Variants in PDGFC observed in about 807,000 individuals in gnomAD.
PDGFC encodes the protein platelet-derived growth factor C.
PDGFC carries 12 observed loss-of-function variants against 35.5 expected under a neutral mutation model. The ratio of observed to expected loss-of-function variants is 0.34; its 90% CI spans 0.22 to 0.55. The LOEUF is 0.55. PDGFC is among the 20% of genes least tolerant of loss of function. PDGFC has a pLI of 0.91. For missense variants in PDGFC, 322 were observed against 412.4 expected, an observed-to-expected ratio of 0.78 and a Z score of 1.90; for synonymous variants, 159 against 148.8, an observed-to-expected ratio of 1.07 and a Z score of -0.50.
chr4:156,901,277 A>G (rs188643703), intron 1 of PDGFC, among the ~76,000 whole-genome samples: 14 of 152,302 alleles, frequency 9.2e-5, no homozygotes, highest in Non-Finnish European at 1.8e-4. Flanking sequence ...ATGCTCCTAG[A>G]GATACTGAGG....
chr4:156,794,477 G>A (rs1579013000), intron 3 of PDGFC, among the ~76,000 whole-genome samples: 1 of 151,734 alleles, frequency 6.6e-6, no homozygotes. Flanking sequence ...AAGCATTTAA[G>A]AAGAGAAAGA....
chr4:156,775,795 T>C (rs1164358858), intron 3 of PDGFC, among the ~76,000 whole-genome samples: 1 of 152,188 alleles, frequency 6.6e-6, no homozygotes, highest in African/African-American at 2.4e-5. Context: ...TATAGATCAG[T>C]TGGTGTTACA....
intron 3 of PDGFC, among the ~76,000 whole-genome samples, chr4:156,787,588 G>C (rs968834604): frequency 2.0e-5 from 3 of 152,120 alleles, no homozygotes; most frequent in African/African-American, 7.2e-5. Context: ...TTCCTTTAAA[G>C]ATGGGAGAAG....
intron 1 of PDGFC, among the ~76,000 whole-genome samples, chr4:156,880,044 T>C (rs956243439): frequency 6.6e-6 from 1 of 152,042 alleles, no homozygotes; most frequent in African/African-American, 2.4e-5. Context: ...GCTGTCTCCA[T>C]AACAAAAAAG....
intron 1 of PDGFC, among the ~76,000 whole-genome samples, chr4:156,926,715 AGGGTACAGCCTCCCTCCT>A (rs1731423401): frequency 6.6e-6 from 1 of 152,188 alleles, no homozygotes; most frequent in Admixed American, 6.5e-5. Context: ...TGTGTTTTAC[AGGGTACAGCCTCCCTCCT>A]GGCTGACTTT....
chr4:156,844,920 CA>C (rs746958292), intron 2 of PDGFC, among the ~76,000 whole-genome samples: 1 of 151,786 alleles, frequency 6.6e-6, no homozygotes. Context: ...AGATGCTGTG[CA>C]CAACTGCAAA....
intron 1 of PDGFC, among the ~76,000 whole-genome samples, chr4:156,965,291 TC>T (rs1732438919): frequency 1.3e-5 from 2 of 152,128 alleles, no homozygotes; most frequent in Admixed American, 1.3e-4. Flanking sequence ...CAACAGATAC[TC>T]ATCGGGCACA....
chr4:156,930,030 G>A (rs992794366), intron 1 of PDGFC, among the ~76,000 whole-genome samples: 6 of 152,166 alleles, frequency 3.9e-5, no homozygotes, highest in Non-Finnish European at 7.3e-5. Context: ...AAATGAACTG[G>A]TTGACTAACT....
chr4:156,906,401 T>C (rs908922777), intron 1 of PDGFC, among the ~76,000 whole-genome samples: 3 of 152,166 alleles, frequency 2.0e-5, no homozygotes, highest in African/African-American at 7.2e-5. Context: ...GCTTATTCTT[T>C]TATGTAGTGT....
At chr4:156,878,804 T>C (rs1312549181) in intron 1 of PDGFC, among the ~76,000 whole-genome samples, 2 of 152,170 alleles carry the variant, frequency 1.3e-5, no homozygotes, top group Admixed American at 6.5e-5. Flanking sequence ...ATATAGTCTA[T>C]AAGCTCCATT....
intron 3 of PDGFC, among the ~76,000 whole-genome samples, chr4:156,790,940 TC>T (rs1731283493): frequency 6.6e-6 from 1 of 152,184 alleles, no homozygotes; most frequent in Non-Finnish European, 1.5e-5. Flanking sequence ...GCATTTTACA[TC>T]CTACATTGGC....
At chr4:156,915,764 G>C (rs139391837) in intron 1 of PDGFC, among the ~76,000 whole-genome samples, 18 of 152,210 alleles carry the variant, frequency 1.2e-4, no homozygotes, top group African/African-American at 3.6e-4. Flanking sequence ...CTGGGCAACA[G>C]AGTGAGACTC....
At chr4:156,951,670 C>T (rs999476035) in intron 1 of PDGFC, among the ~76,000 whole-genome samples, 1 of 148,820 alleles carries the variant, frequency 6.7e-6, no homozygotes, top group African/African-American at 2.5e-5. Flanking sequence ...CTATTCTGGA[C>T]AGAGAAAGGT....
intron 1 of PDGFC, among the ~76,000 whole-genome samples, chr4:156,920,778 T>G (rs1560873660): frequency 6.6e-6 from 1 of 152,058 alleles, no homozygotes; most frequent in Non-Finnish European, 1.5e-5. Flanking sequence ...AAACTATAAT[T>G]GCCAACCTTT....
chr4:156,822,088 T>G (rs2110980687), intron 2 of PDGFC, among the ~76,000 whole-genome samples: 1 of 151,940 alleles, frequency 6.6e-6, no homozygotes, highest in African/African-American at 2.4e-5. Context: ...ATAGTGAAAT[T>G]TAAAAAGTGG....
intron 2 of PDGFC, among the ~76,000 whole-genome samples, chr4:156,814,072 C>T (rs1732014683): frequency 6.6e-6 from 1 of 152,070 alleles, no homozygotes; most frequent in Non-Finnish European, 1.5e-5. Context: ...AAAAATGCTT[C>T]ACATGAGGCA....
chr4:156,836,299 A>T (rs1228418621), intron 2 of PDGFC, among the ~76,000 whole-genome samples: 1 of 152,190 alleles, frequency 6.6e-6, no homozygotes, highest in Non-Finnish European at 1.5e-5. Flanking sequence ...TCGGTAGGCA[A>T]CTCACAACTA....
At position 156,760,771 on chromosome 4, in the gene PDGFC, A is replaced by T. The variant is rs1384310304; in HGVS notation, c.*2319T>A. 6.6e-6 allele frequency: 1 copy of T among 152,224 alleles called. No individual in the cohort carries two copies. 9.4% of individuals were successfully genotyped at this position (152,224 alleles called of 1,614,324 possible). A position where few individuals can be genotyped will look rare whatever the true frequency, so the allele number is the denominator to read the frequency against. On this transcript the variant is annotated 3_prime_UTR_variant, in exon 6 of 6. Coordinates refer to ENST00000502773, the MANE Select transcript of PDGFC (RefSeq NM_016205.3). ...CTCTTCTGGCTGTCAAGATTTTATA[A>T]GTAAACAAAAAATAAATATTAAAAA...
At chr4:156,841,137 G>C (rs1729193032) in intron 2 of PDGFC, among the ~76,000 whole-genome samples, 1 of 151,218 alleles carries the variant, frequency 6.6e-6, no homozygotes, top group African/African-American at 2.4e-5. Context: ...GAGGACATGA[G>C]ATTTGGGAGG....
Sources: allele counts gnomAD v4.1 joint callset (sites outside exome capture counted in the v4.1 genomes callset), GRCh38; gene constraint gnomAD v4.1.1; transcripts MANE v1.5; gene names NCBI Gene and HGNC (gene_info 2026-07-23, HGNC 2026-07-21).